Variants in SSH2 observed in about 807,000 individuals in gnomAD.
The protein encoded by SSH2 is protein phosphatase Slingshot homolog 2.
A neutral mutation model predicts 135.2 loss-of-function variants in SSH2; 37 were observed. The ratio of observed to expected loss-of-function variants is 0.27; its 90% CI spans 0.21 to 0.36. The LOEUF (loss-of-function observed/expected upper bound fraction) is 0.36. Ranked by LOEUF, SSH2 falls within the 10% of genes least tolerant of loss-of-function variation. The pLI is 1.00. For synonymous variants in SSH2, 628 were observed against 646.2 expected (o/e 0.97, Z 0.43); for missense variants, 1,408 against 1,765.3 (o/e 0.80, Z 3.63).
intron 11 of SSH2, among the ~76,000 whole-genome samples, chr17:29,662,914 C>T (rs2037111087): frequency 6.6e-6 from 1 of 152,166 alleles, no homozygotes; most frequent in Admixed American, 6.5e-5. Context: ...GGTTATGTGT[C>T]CAATATACTT....
chr17:29,678,653 A>C lies in SSH2; in HGVS notation c.480-912T>G, dbSNP rs151091381. Among the ~76,000 whole-genome samples the C allele has an allele frequency of 3.9e-5, 6 of 152,230 alleles. No individual in the cohort carries two copies. The East Asian group carries it at 1.2e-3, about 29-fold the overall frequency. On this transcript the variant is annotated intron_variant, in intron 6 of 15. Coordinates refer to ENST00000540801, the MANE Select transcript of SSH2 (RefSeq NM_001282129.2). ...AACTAGCACTGCTGAAACACAGTTA[A>C]TAGAAATGTCAACAACCAAGAAAAG...
In SSH2 at chr17:29,848,929, T is replaced by C. The variant is rs1200234349; in HGVS notation, c.64A>G (p.Ser22Gly). 3 of 1,531,324 alleles carry C rather than the reference T, an allele frequency of 2.0e-6. No homozygotes were observed. The highest frequency in any genetic ancestry group is 2.6e-6 in the Non-Finnish European group (3 of 1,143,200). 94.9% of individuals were successfully genotyped at this position (1,531,324 alleles called of 1,614,324 possible). ...PSTTSSPCAS[S>G]SHLEDSESAA... ...GATTCACTGTCTTCCAAATGAGAGC[T>C]CTGTAATACAAACAAGATCATTTCA... The change falls in exon 2 of 16, where the codon AGC becomes GGC. Residue 22 changes from serine (S) to glycine (G), a missense_variant and splice_region_variant. Physicochemically the swap from Ser to Gly is moderately conservative, Grantham distance 56. This residue lies in a region of SSH2 where 222 missense variants were observed against 355.6 expected (regional missense o/e 0.62). Coordinates refer to ENST00000540801, the MANE Select transcript of SSH2 (RefSeq NM_001282129.2).
At chr17:29,712,503 A>C (rs755291755) in intron 3 of SSH2, among the ~76,000 whole-genome samples, 8 of 152,076 alleles carry the variant, frequency 5.3e-5, no homozygotes, top group Non-Finnish European at 1.0e-4. Context: ...TTTACTTATG[A>C]TAGTTAAAAT....
intron 1 of SSH2, among the ~76,000 whole-genome samples, chr17:29,880,065 T>A (rs2066109175): frequency 1.3e-5 from 2 of 152,208 alleles, no homozygotes; most frequent in Admixed American, 1.3e-4. Flanking sequence ...TAGTCATTCA[T>A]TCGATTATCC....
At chr17:29,692,423 G>A (rs1325816650) in intron 5 of SSH2, among the ~76,000 whole-genome samples, 2 of 152,054 alleles carry the variant, frequency 1.3e-5, no homozygotes, top group African/African-American at 4.8e-5. Context: ...ACTGTAAAAC[G>A]GCTTGTCATT....
Position 29,819,641 on chromosome 17 carries a change from C to T in SSH2, c.145-25704G>A, listed in dbSNP as rs537164067. On this transcript the variant is annotated intron_variant, in intron 2 of 15. Transcript: ENST00000540801. ...AATCAGGAATAGCTTTCAGTTCTAT[C>T]TATGTGTATTATGTGAACACGTGCA... 2.0e-5 allele frequency among the ~76,000 whole-genome samples: 3 copies of T among 152,308 alleles called. No individual in the cohort carries two copies. In the East Asian group the frequency reaches 5.8e-4, roughly 29 times the overall value.
intron 1 of SSH2, among the ~76,000 whole-genome samples, chr17:29,864,714 T>C (rs2065825712): frequency 6.6e-6 from 1 of 151,840 alleles, no homozygotes; most frequent in Admixed American, 6.6e-5. Flanking sequence ...GTTTTTGAAT[T>C]TTTTCCCTTC....
chr17:29,843,752 A>C (rs2043084335), intron 2 of SSH2, among the ~76,000 whole-genome samples: 1 of 152,144 alleles, frequency 6.6e-6, no homozygotes, highest in South Asian at 2.1e-4. Flanking sequence ...GCTACTCCAC[A>C]TCAGGCCTTG....
chr17:29,672,191 G>A, intron 8 of SSH2, 62 bp from the exon 9 acceptor site: 5 of 1,281,482 alleles, frequency 3.9e-6, no homozygotes, highest in Non-Finnish European at 5.5e-6. Flanking sequence ...CCAATAACCT[G>A]TGTACTCCAA....
At chr17:29,666,238 G>A (rs2037269417) in intron 11 of SSH2, among the ~76,000 whole-genome samples, 1 of 152,110 alleles carries the variant, frequency 6.6e-6, no homozygotes, top group South Asian at 2.1e-4. Context: ...CTGGGGGCTG[G>A]TGGCACACGC....
intron 3 of SSH2, among the ~76,000 whole-genome samples, chr17:29,710,644 C>T (rs1269829634): frequency 1.3e-5 from 2 of 152,190 alleles, no homozygotes; most frequent in Non-Finnish European, 2.9e-5. Flanking sequence ...CTTGGTGTGA[C>T]CACACCACAG....
intron 13 of SSH2, among the ~76,000 whole-genome samples, chr17:29,649,140 C>CAA (rs61278195): frequency 1.4e-4 from 18 of 127,274 alleles, no homozygotes; most frequent in African/African-American, 4.6e-4. Flanking sequence ...GACTCTGGCT[C>CAA]AAAAAAAAAA....
chr17:29,730,794 A>AAT (rs2040164407), intron 3 of SSH2, among the ~76,000 whole-genome samples: 1 of 152,080 alleles, frequency 6.6e-6, no homozygotes, highest in Non-Finnish European at 1.5e-5. Flanking sequence ...GTACCCCATA[A>AAT]ATATATATAC....
At chr17:29,769,924 C>A (rs1351655056) in intron 3 of SSH2, among the ~76,000 whole-genome samples, 2 of 152,068 alleles carry the variant, frequency 1.3e-5, no homozygotes, top group Non-Finnish European at 2.9e-5. Flanking sequence ...CTTCTCTATT[C>A]CCTTTCAGAT....
intron 1 of SSH2, among the ~76,000 whole-genome samples, chr17:29,860,629 G>A (rs939047383): frequency 5.9e-5 from 9 of 151,436 alleles, no homozygotes; most frequent in African/African-American, 1.9e-4. Flanking sequence ...ACAAGGTTTC[G>A]CCATGTTGGC....
intron 9 of SSH2, among the ~76,000 whole-genome samples, chr17:29,667,477 C>A (rs927664024): frequency 6.6e-6 from 1 of 152,178 alleles, no homozygotes; most frequent in East Asian, 1.9e-4. Context: ...CCTGTCAGAT[C>A]AGTGGCAGCA....
At chr17:29,727,085 G>A (rs891334524) in intron 3 of SSH2, among the ~76,000 whole-genome samples, 2 of 152,180 alleles carry the variant, frequency 1.3e-5, no homozygotes, top group East Asian at 3.8e-4. Flanking sequence ...GGGAGGAACA[G>A]CTGCAGAGAA....
At chr17:29,768,262 ACTT>A (rs1426155012) in intron 3 of SSH2, among the ~76,000 whole-genome samples, 3 of 151,566 alleles carry the variant, frequency 2.0e-5, no homozygotes, top group Non-Finnish European at 4.4e-5. Context: ...CCAAAGAACT[ACTT>A]AGACTATAAC....
chr17:29,793,624 C>T (rs1386170875), intron 3 of SSH2: 1 of 277,934 alleles, frequency 3.6e-6, no homozygotes, highest in Non-Finnish European at 6.8e-6. Context: ...CTAAAGCATT[C>T]GCTCTTACTC....
Sources: allele counts gnomAD v4.1 joint callset (sites outside exome capture counted in the v4.1 genomes callset), GRCh38; gene constraint gnomAD v4.1.1; regional missense constraint gnomAD v4.1.1; transcripts MANE v1.5; gene names NCBI Gene and HGNC (gene_info 2026-07-23, HGNC 2026-07-21).